OAS3: variants seen among roughly 807,000 people sequenced by gnomAD.
OAS3 encodes 2'-5'-oligoadenylate synthetase 3, also known as 2'-5'-oligoadenylate synthase 3.
Under a neutral mutation model 113.0 loss-of-function variants are expected in OAS3, and 107 were observed. That is an observed-to-expected ratio of 0.95 (90% confidence interval 0.81 to 1.11). The LOEUF (loss-of-function observed/expected upper bound fraction) is 1.11. Among genes scored for constraint, OAS3 ranks in the 50% most tolerant of loss-of-function variants. The pLI is 0.00. For missense variants in OAS3, 1,258 were observed against 1,389.1 expected, an observed-to-expected ratio of 0.91 and a Z score of 1.50; for synonymous variants, 552 against 573.6, an observed-to-expected ratio of 0.96 and a Z score of 0.54.
chr12:112,947,501 T>C (rs1455913093), intron 4 of OAS3, among the ~76,000 whole-genome samples: 1 of 152,260 alleles, frequency 6.6e-6, no homozygotes, highest in Non-Finnish European at 1.5e-5. Flanking sequence ...TCATTCTTTT[T>C]TGTTGCTGTA....
intron 7 of OAS3, among the ~76,000 whole-genome samples, chr12:112,951,839 C>CAAAAAAAAAAAA (rs3038125): frequency 1.2e-4 from 13 of 105,690 alleles, no homozygotes; most frequent in Admixed American, 3.3e-4. Flanking sequence ...ACTAAAAATA[C>CAAAAAAAAAAAA]AAAAAAAAAA....
In OAS3 at chr12:112,972,437, A is replaced by G. The variant is rs1243614004; in HGVS notation, c.*2464A>G. Reference sequence around the variant, plus strand: ...AAAGACTTGACTGCATAAAGATGTCAGTTCTCCCTGAGTTGATTGATAGGC... The same window carrying G: ...AAAGACTTGACTGCATAAAGATGTCGGTTCTCCCTGAGTTGATTGATAGGC... On this transcript the variant is annotated 3_prime_UTR_variant, in exon 16 of 16. Coordinates refer to ENST00000228928, the MANE Select transcript of OAS3 (RefSeq NM_006187.4). 6.6e-6 allele frequency: 1 copy of G among 152,220 alleles called. No individual in the cohort carries two copies. The highest frequency in any genetic ancestry group is 1.9e-4 in the East Asian group (1 of 5,204). 9.4% of individuals were successfully genotyped at this position (152,220 alleles called of 1,614,324 possible). A position where few individuals can be genotyped will look rare whatever the true frequency, so the allele number is the denominator to read the frequency against.
intron 3 of OAS3, among the ~76,000 whole-genome samples, chr12:112,945,987 G>A (rs934176617): frequency 6.6e-6 from 1 of 152,142 alleles, no homozygotes; most frequent in South Asian, 2.1e-4. Context: ...GTAAGACTCT[G>A]TCTATAAATT....
At position 112,950,927 on chromosome 12, in the gene OAS3, C is replaced by T. The variant is rs1322086987; in HGVS notation, c.1609C>T (p.Leu537=). Residue 537 remains leucine, a synonymous_variant, in exon 7 of 16, where the codon CTG becomes TTG. Transcript: ENST00000228928. The part of the protein sequence containing the change: ...ALQFQLVSTA[L]KSWTDVSLLP... ...GCAGTTCCAGCTGGTGTCCACAGCCCTGAAGAGCTGGACGGATGTTAGCCT... is the reference window on the plus strand; with the variant it reads ...GCAGTTCCAGCTGGTGTCCACAGCCTTGAAGAGCTGGACGGATGTTAGCCT... 1.2e-6 allele frequency: 2 copies of T among 1,613,892 alleles called. No individual in the cohort carries two copies. Among genetic ancestry groups the T allele is most frequent in the African/African-American group, 1.3e-5 (1 of 74,936 alleles).
At position 112,971,611 on chromosome 12, in the gene OAS3, TAGAC is replaced by T. The variant is rs1297682477; in HGVS notation, c.*1641_*1644del. 2.6e-5 allele frequency: 4 copies of T among 152,248 alleles called. No homozygotes were observed. The highest frequency in any genetic ancestry group is 4.4e-5 in the Non-Finnish European group (3 of 68,082). The allele number at this position is 152,248 out of a possible 1,614,324, so 9.4% of individuals were successfully genotyped here. A position where few individuals can be genotyped will look rare whatever the true frequency, so the allele number is the denominator to read the frequency against. On this transcript the variant is annotated 3_prime_UTR_variant, in exon 16 of 16. Coordinates refer to ENST00000228928, the MANE Select transcript of OAS3 (RefSeq NM_006187.4). ...CCTTCTCTGCTCCACAGGAGTGCCT[TAGAC>T]AGCCTGACTCTCCACAAACCACTGT... is the stretch of plus-strand genomic sequence containing the variant.
In OAS3 at chr12:112,962,716, A is replaced by G. The variant is rs1182863025; in HGVS notation, c.1898A>G (p.Glu633Gly). Residue 633 changes from glutamate (E) to glycine (G), a missense_variant, in exon 9 of 16, where the codon GAG becomes GGG. By Grantham distance (98) the Glu-to-Gly change is moderately conservative. Transcript: ENST00000228928. ...PASLPPAYAL[E>G]LLTIFAWEQG... ...TCTCTGCCCCCAGCCTATGCCCTGGAGCTCCTCACCATCTTTGCCTGGGAG... is the reference window on the plus strand; with the variant it reads ...TCTCTGCCCCCAGCCTATGCCCTGGGGCTCCTCACCATCTTTGCCTGGGAG... The G allele has an allele frequency of 6.2e-7, 1 of 1,613,936 alleles. No individual in the cohort carries two copies. The highest frequency in any genetic ancestry group is 1.7e-5 in the Admixed American group (1 of 60,006).
chr12:112,957,341 C>T (rs986525325), intron 7 of OAS3, among the ~76,000 whole-genome samples: 6 of 152,064 alleles, frequency 3.9e-5, no homozygotes, highest in African/African-American at 1.2e-4. Flanking sequence ...TTACATTTAA[C>T]GTTAATATTG....
In OAS3 at chr12:112,961,189, C is replaced by T. The variant is rs2043880923; in HGVS notation, c.1776C>T (p.Asn592=). 1.9e-6 allele frequency: 3 copies of T among 1,613,308 alleles called. No homozygotes were observed. The highest frequency in any genetic ancestry group is 1.3e-5 in the African/African-American group (1 of 74,348). The change falls in exon 8 of 16, where the codon AAC becomes AAT. Residue 592 remains asparagine (N), a synonymous_variant. Transcript: ENST00000228928. The part of the protein sequence containing the change: ...CFAELRRNFM[N]IRPVKLKNLI... ...CAGAGCTGCGGAGGAACTTCATGAA[C>T]ATTCGCCCTGTCAAGCTGAAGAACC...
rs978317037 is a variant in OAS3, at chr12:112,941,666, G to A, written c.274G>A (p.Ala92Thr). Reference sequence around the variant, plus strand: ...CTTCAAGAGCTATGTGGACCAGAGGGCCCGCCGTGCAGAGATCCTCAGTGA... The same window carrying A: ...CTTCAAGAGCTATGTGGACCAGAGGACCCGCCGTGCAGAGATCCTCAGTGA... ...DCFKSYVDQR[A>T]RRAEILSEMR... Residue 92 changes from alanine to threonine, a missense_variant, in exon 2 of 16, where the codon GCC becomes ACC. Ala to Thr is a moderately conservative substitution (Grantham distance 58). Coordinates refer to ENST00000228928, the MANE Select transcript of OAS3 (RefSeq NM_006187.4). The A allele has an allele frequency of 1.9e-5, 31 of 1,613,904 alleles. No homozygotes were observed. The African/African-American group carries it at 3.9e-4, about 20-fold the overall frequency.
chr12:112,943,469 C>A (rs529386875), intron 2 of OAS3, among the ~76,000 whole-genome samples: 1 of 152,304 alleles, frequency 6.6e-6, no homozygotes, highest in African/African-American at 2.4e-5. Context: ...AAAGTGTTTA[C>A]TTCTCCCAAG....
intron 13 of OAS3, 55 bp downstream of exon 13, chr12:112,967,648 G>A: frequency 6.4e-7 from 1 of 1,562,400 alleles, no homozygotes; most frequent in Non-Finnish European, 8.7e-7. Context: ...TGCCTCTGGA[G>A]CACTTTCCTG....
chr12:112,942,149 A>C, intron 2 of OAS3: 1 of 548,682 alleles, frequency 1.8e-6, no homozygotes. Context: ...TTCCACAAAT[A>C]CTCCCGAAAG....
At chr12:112,941,291 A>G (rs1170677493) in intron 1 of OAS3, among the ~76,000 whole-genome samples, 2 of 152,232 alleles carry the variant, frequency 1.3e-5, no homozygotes, top group South Asian at 2.1e-4. Flanking sequence ...ACTCGAGCCC[A>G]GGAGTTCAAG....
chr12:112,949,256 T>C (rs911914081), intron 6 of OAS3, 51 bp downstream of exon 6: 3 of 1,520,732 alleles, frequency 2.0e-6, no homozygotes, highest in Admixed American at 3.4e-5. Context: ...GGGATCAGCG[T>C]GGGGAAGGGA....
chr12:112,963,426 A>G lies in OAS3; in HGVS notation c.2198A>G (p.Asp733Gly). The change falls in exon 10 of 16, where the codon GAC (aspartate) becomes GGC (glycine). Residue 733 changes from aspartate to glycine, a missense_variant. Transcript: ENST00000228928. This position sits in a 1 kb window ranked among gnomAD's most constrained non-coding sequence, Gnocchi z 4.6. ...LGMQACFLSRDGTSVQPWDVM... is the reference protein window; with the variant it reads ...LGMQACFLSRGGTSVQPWDVM... ...ATGCAGGCCTGCTTTCTGAGTAGAGACGGGACATCTGTGCAGCCCTGGGAT... is the reference window on the plus strand; with the variant it reads ...ATGCAGGCCTGCTTTCTGAGTAGAGGCGGGACATCTGTGCAGCCCTGGGAT... 1 of 1,551,266 alleles carries G rather than the reference A, an allele frequency of 6.4e-7. No individual in the cohort carries two copies. The highest frequency in any genetic ancestry group is 8.7e-7 in the Non-Finnish European group (1 of 1,146,792).
intron 7 of OAS3, among the ~76,000 whole-genome samples, chr12:112,951,710 T>C (rs1309281636): frequency 1.3e-5 from 2 of 152,022 alleles, no homozygotes; most frequent in African/African-American, 4.8e-5. Flanking sequence ...GAATGCATGC[T>C]TTCCATCCAG....
intron 3 of OAS3, chr12:112,944,933 T>C (rs1478803788): frequency 2.2e-6 from 1 of 450,948 alleles, no homozygotes; most frequent in Non-Finnish European, 4.1e-6. Flanking sequence ...GTTTAAAGGT[T>C]ATTTGTAGGA....
chr12:112,944,014 C>T (rs2043704413), intron 2 of OAS3, among the ~76,000 whole-genome samples: 1 of 152,196 alleles, frequency 6.6e-6, no homozygotes, highest in Non-Finnish European at 1.5e-5. Context: ...ATATCAACAA[C>T]CACTGCTAAA....
Position 112,949,131 on chromosome 12 carries a change from G to T in OAS3, c.1300G>T (p.Val434Leu). ...GCCGAGCCCCCAGTTCCAGGAGCAG[G>T]TGAAAAAGGCCATTGACATCATCTT... Reference protein sequence around the residue: ...LKPSPQFQEQVKKAIDIILRC... With the variant: ...LKPSPQFQEQLKKAIDIILRC... Residue 434 changes from valine (V) to leucine (L), a missense_variant, in exon 6 of 16, where the codon GTG (valine) becomes TTG (leucine). Physicochemically the swap from Val to Leu is conservative, Grantham distance 32 (BLOSUM62 1). Transcript: ENST00000228928. 6.2e-7 allele frequency: 1 copy of T among 1,613,954 alleles called. No individual in the cohort carries two copies. Among genetic ancestry groups the T allele is most frequent in the South Asian group, 1.1e-5 (1 of 91,076 alleles).
Sources: allele counts gnomAD v4.1 joint callset (sites outside exome capture counted in the v4.1 genomes callset), GRCh38; gene constraint gnomAD v4.1.1; non-coding constraint Gnocchi (gnomAD v3.1); transcripts MANE v1.5; gene names NCBI Gene and HGNC (gene_info 2026-07-23, HGNC 2026-07-21).